The following CYP2J2 variants were observed in gnomAD, a reference collection of about 807,000 sequenced individuals.
CYP2J2 encodes cytochrome P450 2J2.
A neutral mutation model predicts 48.8 loss-of-function variants in CYP2J2; 41 were observed. That is an observed-to-expected ratio of 0.84 (90% CI 0.66 to 1.09). The LOEUF (loss-of-function observed/expected upper bound fraction) is 1.09, where lower values mean the gene tolerates loss of function less well. CYP2J2 is among the 50% of genes least tolerant of loss of function. CYP2J2 has a pLI of 0.00. For missense variants in CYP2J2, 644 were observed against 617.3 expected (o/e 1.04, Z -0.46); for synonymous variants, 221 against 227.1 (o/e 0.97, Z 0.24).
At chr1:59,938,080 A>T in the CYP2J2 span, among the ~76,000 whole-genome samples, 1 of 152,072 alleles carries the variant, frequency 6.6e-6, no homozygotes, top group African/African-American at 2.4e-5. Context: ...CCTGGTGCCT[A>T]TTTAGTTCAT....
At chr1:59,952,168 G>A in the CYP2J2 span, among the ~76,000 whole-genome samples, 2 of 152,132 alleles carry the variant, frequency 1.3e-5, no homozygotes, top group Admixed American at 6.5e-5. Context: ...GTGCTAGGGA[G>A]GAGCATGAGG....
chr1:59,962,956 T>C, the CYP2J2 span, among the ~76,000 whole-genome samples: 2 of 152,248 alleles, frequency 1.3e-5, no homozygotes, highest in Admixed American at 6.5e-5. Flanking sequence ...TGAGTGAATA[T>C]GGATGAGACA....
the CYP2J2 span, among the ~76,000 whole-genome samples, chr1:59,937,415 T>C: frequency 2.0e-5 from 3 of 150,936 alleles, no homozygotes; most frequent in African/African-American, 7.3e-5. Context: ...CCCAAGGCAT[T>C]CTATTACTAA....
At chr1:59,921,692 A>T (rs1410352503) in intron 1 of CYP2J2, among the ~76,000 whole-genome samples, 2 of 150,664 alleles carry the variant, frequency 1.3e-5, no homozygotes, top group African/African-American at 4.9e-5. Flanking sequence ...TAGAAACAGG[A>T]CGTGAAGCTA....
At chr1:59,908,669 C>G (rs886107857) in intron 5 of CYP2J2, among the ~76,000 whole-genome samples, 5 of 152,268 alleles carry the variant, frequency 3.3e-5, no homozygotes, top group African/African-American at 1.2e-4. Flanking sequence ...AATGTCATAC[C>G]AATAAGGTGA....
At chr1:59,935,023 T>TATATATATATATATAC in the CYP2J2 span, among the ~76,000 whole-genome samples, 34 of 75,298 alleles carry the variant, frequency 4.5e-4, no homozygotes, top group Non-Finnish European at 7.1e-4. Context: ...TACATATATA[T>TATATATATATATATAC]ATATATATAT....
At chr1:59,952,398 T>A in the CYP2J2 span, among the ~76,000 whole-genome samples, 5 of 151,820 alleles carry the variant, frequency 3.3e-5, no homozygotes, top group African/African-American at 7.3e-5. Flanking sequence ...TGGGCAATCA[T>A]CAGCTGGTGC....
At chr1:59,924,739 A>G (rs1644549635) in intron 1 of CYP2J2, among the ~76,000 whole-genome samples, 1 of 152,058 alleles carries the variant, frequency 6.6e-6, no homozygotes, top group Non-Finnish European at 1.5e-5. Context: ...AAGATAGGAA[A>G]AGGAAAACAG....
the CYP2J2 span, among the ~76,000 whole-genome samples, chr1:59,948,168 T>C: frequency 6.6e-6 from 1 of 152,186 alleles, no homozygotes; most frequent in South Asian, 2.1e-4. Context: ...TCAAGAGGTT[T>C]AAATAATCAA....
At chr1:59,911,120 G>A (rs186625691) in intron 4 of CYP2J2, among the ~76,000 whole-genome samples, 4 of 152,244 alleles carry the variant, frequency 2.6e-5, no homozygotes, top group African/African-American at 7.2e-5. Flanking sequence ...ACAAATGTCC[G>A]TCAGTACAGA....
chr1:59,911,698 T>A lies in CYP2J2; in HGVS notation c.594A>T (p.Gly198=). 3.7e-6 allele frequency: 6 copies of A among 1,613,716 alleles called. No individual in the cohort carries two copies. Among genetic ancestry groups the A allele is most frequent in the Non-Finnish European group, 5.1e-6 (6 of 1,179,724 alleles). ...AACTATCCTGGTACTCAAAGCGTTC[T>A]CCGAAGGTGATGGAGCAAATGATAT... is the stretch of plus-strand genomic sequence containing the variant. ...VSNIICSITF[G]ERFEYQDSWF... Residue 198 remains glycine, a synonymous_variant, in exon 4 of 9, where the codon GGA becomes GGT. Coordinates refer to ENST00000371204, the MANE Select transcript of CYP2J2 (RefSeq NM_000775.4).
rs11572242 is a variant in CYP2J2 at position 59,915,974 on chromosome 1, C to T, written c.337G>A (p.Val113Met). 283 of 1,613,812 alleles carry T rather than the reference C, an allele frequency of 1.8e-4. 2 individuals carry two copies. The highest frequency in any genetic ancestry group is 6.3e-4 in the Admixed American group (38 of 59,998). The change falls in exon 2 of 9, where the codon GTG becomes ATG. Residue 113 changes from valine to methionine, a missense_variant. Transcript: ENST00000371204. ...HMDQNFGNRP[V>M]TPMREHIFKK... The stretch of plus-strand genomic sequence containing the variant: ...AAGATATGTTCTCGCATAGGGGTCA[C>T]GGGGCGGTTCCCAAAGTTTTGGTCC...
chr1:59,924,471 T>C (rs1644545619), intron 1 of CYP2J2, among the ~76,000 whole-genome samples: 1 of 152,142 alleles, frequency 6.6e-6, no homozygotes, highest in Non-Finnish European at 1.5e-5. Flanking sequence ...TTATCTGATG[T>C]AGTTCTCAAT....
intron 5 of CYP2J2, among the ~76,000 whole-genome samples, chr1:59,908,610 A>G (rs1031718275): frequency 2.6e-5 from 4 of 152,198 alleles, no homozygotes; most frequent in Non-Finnish European, 5.9e-5. Context: ...CCTTACCTGC[A>G]CAACATATAG....
chr1:59,907,807 C>A lies in CYP2J2; in HGVS notation c.982G>T (p.Ala328Ser). ...TTLRWALLYM[A>S]LYPEIQEKVQ... is the part of the protein sequence containing the mutation. ...TCACCTTGGATTTCTGGGTAGAGGG[C>A]CATATAAAGCAGAGCCCATCGCAGA... Residue 328 changes from alanine to serine, a missense_variant, in exon 6 of 9, where the codon GCC becomes TCC. Transcript: ENST00000371204. The A allele has an allele frequency of 6.2e-7, 1 of 1,613,882 alleles. No individual in the cohort carries two copies. Among genetic ancestry groups the A allele is most frequent in the South Asian group, 1.1e-5 (1 of 91,050 alleles).
At chr1:59,906,450 A>AT (rs145451642) in intron 6 of CYP2J2, among the ~76,000 whole-genome samples, 14,329 of 146,302 alleles carry the variant, frequency 0.098, 827 homozygotes, top group African/African-American at 0.18. Flanking sequence ...CCTAGTTTGG[A>AT]TTTTTTTTTT....
intron 1 of CYP2J2, among the ~76,000 whole-genome samples, chr1:59,925,894 G>A (rs1644559399): frequency 6.6e-6 from 1 of 152,194 alleles, no homozygotes; most frequent in Non-Finnish European, 1.5e-5. Flanking sequence ...TTGAGATAGG[G>A]TTTGATGTCT....
intron 6 of CYP2J2, 101 bp downstream of exon 6, chr1:59,907,685 C>A: frequency 7.6e-7 from 1 of 1,321,794 alleles, no homozygotes; most frequent in Non-Finnish European, 1.1e-6. Flanking sequence ...TTCTGCCTCT[C>A]TTTTCATCCT....
chr1:59,894,772 T>C (rs1331176327), intron 8 of CYP2J2, among the ~76,000 whole-genome samples: 2 of 152,196 alleles, frequency 1.3e-5, no homozygotes, highest in Non-Finnish European at 2.9e-5. Context: ...ATAATAAACA[T>C]AACTGTACAA....
Sources: allele counts gnomAD v4.1 joint callset (sites outside exome capture counted in the v4.1 genomes callset), GRCh38; gene constraint gnomAD v4.1.1; transcripts MANE v1.5; gene names NCBI Gene and HGNC (gene_info 2026-07-23, HGNC 2026-07-21).